DIAPH2: variants seen among roughly 807,000 people sequenced by gnomAD.
DIAPH2 encodes the protein protein diaphanous homolog 2.
DIAPH2 carries 35 observed loss-of-function variants against 92.7 expected under a neutral mutation model. The observed-to-expected ratio is 0.38, with a 90% CI of 0.29 to 0.50. The LOEUF (loss-of-function observed/expected upper bound fraction) is 0.50. DIAPH2 is among the 20% of genes least tolerant of loss of function. The pLI, the probability that DIAPH2 is intolerant of heterozygous loss-of-function variation, is 0.94. For synonymous variants in DIAPH2, 301 were observed against 280.4 expected (o/e 1.07, Z -0.73); for missense variants, 701 against 819.5 (o/e 0.86, Z 1.77).
intron 24 of DIAPH2, among the ~76,000 whole-genome samples, chrX:97,357,901 C>T (rs1472403623): frequency 8.9e-6 from 1 of 111,950 alleles, no homozygotes; most frequent in Non-Finnish European, 1.9e-5. Context: ...GATATGTGAA[C>T]TGGGTCTGAT....
chrX:97,072,720 T>C (rs1254830113), intron 17 of DIAPH2, among the ~76,000 whole-genome samples: 1 of 111,974 alleles, frequency 8.9e-6, no homozygotes, highest in Admixed American at 9.5e-5. Flanking sequence ...TTGGTTCATT[T>C]GGCTTATCTT....
chrX:96,758,430 CTATTCA>C (rs2064246030), intron 4 of DIAPH2, among the ~76,000 whole-genome samples, 172 bp downstream of exon 4: 1 of 111,611 alleles, frequency 9.0e-6, no homozygotes, highest in African/African-American at 3.2e-5. Context: ...TATTTTTAAA[CTATTCA>C]TCATTAGAAA....
intron 4 of DIAPH2, among the ~76,000 whole-genome samples, chrX:96,824,694 A>G (rs6620179): frequency 0.1 from 11,285 of 110,925 alleles, 537 homozygotes; most frequent in East Asian, 0.32. Flanking sequence ...TTTGATTTGC[A>G]TATGTAAACA....
rs186346839 is a variant in DIAPH2 at position 97,577,353 on chromosome X, C to T, written c.3242-21900C>T. ...TATTTACTACATGGCTATTTAATAT[C>T]GAGAAAGCTAATAAAGAGGTAGAAG... On this transcript the variant is annotated intron_variant, in intron 26 of 26. Coordinates refer to ENST00000324765, the MANE Select transcript of DIAPH2 (RefSeq NM_006729.5). 3.7e-3 allele frequency among the ~76,000 whole-genome samples: 415 copies of T among 112,163 alleles called. 2 individuals carry two copies. The highest frequency in any genetic ancestry group is 0.013 in the African/African-American group (387 of 30,888).
In DIAPH2 at chrX:97,180,905, T is replaced by C. The variant is rs762911885; in HGVS notation, c.2719+39111T>C. Among the ~76,000 whole-genome samples the C allele has an allele frequency of 4.5e-5, 5 of 111,986 alleles. No individual in the cohort carries two copies. In the East Asian group the frequency reaches 1.1e-3, roughly 25 times the overall value. On this transcript the variant is annotated intron_variant, in intron 22 of 26. Coordinates refer to ENST00000324765, the MANE Select transcript of DIAPH2 (RefSeq NM_006729.5). Reference sequence around the variant, plus strand: ...CAGTACCATGCTGTTTTGGTTACTGTAGCCTTATAGTATAGTTTGAAGTCA... The same window carrying C: ...CAGTACCATGCTGTTTTGGTTACTGCAGCCTTATAGTATAGTTTGAAGTCA...
chrX:97,298,583 A>T (rs1226486021), intron 23 of DIAPH2, among the ~76,000 whole-genome samples: 13 of 105,945 alleles, frequency 1.2e-4, no homozygotes, highest in Non-Finnish European at 1.9e-5. Flanking sequence ...TGTTTTTTTC[A>T]CATTTACCAT....
At chrX:96,907,853 A>C (rs2147776507) in intron 5 of DIAPH2, among the ~76,000 whole-genome samples, 1 of 112,034 alleles carries the variant, frequency 8.9e-6, no homozygotes, top group African/African-American at 3.2e-5. Context: ...CTCTATTCAT[A>C]ATCATCAAAA....
intron 26 of DIAPH2, among the ~76,000 whole-genome samples, chrX:97,594,425 G>A (rs2071537696): frequency 8.9e-6 from 1 of 112,645 alleles, no homozygotes; most frequent in African/African-American, 3.2e-5. Flanking sequence ...GGGAAAAAAT[G>A]TAAGTCCATA....
At chrX:97,036,120 CAT>C (rs1336759946) in intron 17 of DIAPH2, among the ~76,000 whole-genome samples, 1 of 111,160 alleles carries the variant, frequency 9.0e-6, no homozygotes, top group Admixed American at 9.6e-5. Context: ...TGAAATTTAA[CAT>C]ATGAAAACTT....
rs757857689 is a variant in DIAPH2, at chrX:96,883,498, A to G, written c.587+1780A>G. On this transcript the variant is annotated intron_variant, in intron 5 of 26. Coordinates refer to ENST00000324765, the MANE Select transcript of DIAPH2 (RefSeq NM_006729.5). Reference sequence around the variant, plus strand: ...TGGGTTCAAGCGATTCTCCTGCCTCAGCCTCCCGAGTAGCTGGGATTACAA... The same window carrying G: ...TGGGTTCAAGCGATTCTCCTGCCTCGGCCTCCCGAGTAGCTGGGATTACAA... 1.2e-3 allele frequency among the ~76,000 whole-genome samples: 132 copies of G among 108,496 alleles called. 1 individual carries two copies. Among genetic ancestry groups the G allele is most frequent in the African/African-American group, 4.4e-3 (130 of 29,727 alleles). The allele number at this position is 108,496 out of a possible 115,157, so 94.2% of individuals were successfully genotyped here.
intron 26 of DIAPH2, among the ~76,000 whole-genome samples, chrX:97,436,398 G>A (rs1363764391): frequency 1.8e-5 from 2 of 110,567 alleles, no homozygotes; most frequent in African/African-American, 6.6e-5. Flanking sequence ...AGAACCACAC[G>A]GGGCAACCAA....
rs1280048665 is a variant in DIAPH2, at chrX:97,114,645, G to A, written c.2350-81G>A. On this transcript the variant is annotated intron_variant, in intron 20 of 26. Transcript: ENST00000324765. ...CTTTATGCAGAAATGTTACAGTGTT[G>A]TCTATGAAATTATCCCCACTAAAGA... The A allele has an allele frequency of 3.4e-6, 3 of 876,281 alleles. No individual in the cohort carries two copies. The African/African-American group carries it at 6.1e-5, about 18-fold the overall frequency. 72.2% of individuals were successfully genotyped at this position (876,281 alleles called of 1,213,427 possible).
chrX:96,833,496 A>G (rs2064868632), intron 4 of DIAPH2, among the ~76,000 whole-genome samples: 1 of 111,053 alleles, frequency 9.0e-6, no homozygotes. Context: ...TTACATAGGA[A>G]TGCAAACAGT....
At chrX:96,988,627 T>C (rs1201733656) in intron 17 of DIAPH2, among the ~76,000 whole-genome samples, 1 of 111,247 alleles carries the variant, frequency 9.0e-6, no homozygotes, top group Non-Finnish European at 1.9e-5. Context: ...ATACCAACAT[T>C]TTCAAAGGTA....
chrX:97,248,380 T>C (rs2068159777), intron 23 of DIAPH2, among the ~76,000 whole-genome samples: 1 of 111,738 alleles, frequency 8.9e-6, no homozygotes, highest in South Asian at 3.7e-4. Context: ...TAGATATCTG[T>C]ATAACATTAA....
Position 96,854,598 on chromosome X carries a change from CATATATATATATAT to C in DIAPH2, c.448-26950_448-26937del, listed in dbSNP as rs57209486. Among the ~76,000 whole-genome samples, 72 of 37,122 alleles carry C rather than the reference CATATATATATATAT, an allele frequency of 1.9e-3. 1 individual carries two copies. The highest frequency in any genetic ancestry group is 0.016 in the East Asian group (14 of 851). The allele number at this position is 37,122 out of a possible 115,157, so 32.2% of individuals were successfully genotyped here. On this transcript the variant is annotated intron_variant, in intron 4 of 26. Transcript: ENST00000324765. ...AAAAACCAAGACTCTCTCTCTCTCT[CATATATATATATAT>C]ATATATATATATATATATATATATA...
chrX:97,085,462 T>A (rs1228417516), intron 19 of DIAPH2, among the ~76,000 whole-genome samples: 2 of 111,684 alleles, frequency 1.8e-5, no homozygotes, highest in Middle Eastern at 4.6e-3. Context: ...CCTCGTTTAG[T>A]TGCCCAGGCT....
intron 22 of DIAPH2, among the ~76,000 whole-genome samples, chrX:97,172,699 C>T (rs1344899771): frequency 8.9e-6 from 1 of 111,916 alleles, no homozygotes; most frequent in Non-Finnish European, 1.9e-5. Context: ...AAGAGTTTAA[C>T]AGAGGCACCT....
chrX:97,062,822 C>T (rs186074482), intron 17 of DIAPH2, among the ~76,000 whole-genome samples: 1 of 108,421 alleles, frequency 9.2e-6, no homozygotes, highest in Non-Finnish European at 1.9e-5. Flanking sequence ...TACTTGAGGT[C>T]AGGAGTTCGA....
Sources: allele counts gnomAD v4.1 joint callset (sites outside exome capture counted in the v4.1 genomes callset), GRCh38; gene constraint gnomAD v4.1.1; transcripts MANE v1.5; gene names NCBI Gene and HGNC (gene_info 2026-07-23, HGNC 2026-07-21).